The following TTLL11 variants were observed in gnomAD, a reference collection of about 807,000 sequenced individuals.
TTLL11 encodes tubulin polyglutamylase TTLL11.
Under a neutral mutation model 51.7 loss-of-function variants are expected in TTLL11, and 42 were observed. That is an observed-to-expected ratio of 0.81 (90% CI 0.64 to 1.05). The LOEUF (loss-of-function observed/expected upper bound fraction) is 1.05. TTLL11 is among the 50% of genes least tolerant of loss of function. The pLI is 0.00. For synonymous variants in TTLL11, 381 were observed against 383.5 expected, an observed-to-expected ratio of 0.99 and a Z score of 0.08; for missense variants, 799 against 940.4, an observed-to-expected ratio of 0.85 and a Z score of 1.97.
intron 8 of TTLL11, among the ~76,000 whole-genome samples, chr9:121,825,415 G>T (rs142122697): frequency 6.6e-6 from 1 of 152,174 alleles, no homozygotes; most frequent in Non-Finnish European, 1.5e-5. Flanking sequence ...AAGATAAGGC[G>T]CTTGGGCCAG....
At chr9:121,883,538 T>C (rs1011558121) in intron 6 of TTLL11, among the ~76,000 whole-genome samples, 1 of 152,220 alleles carries the variant, frequency 6.6e-6, no homozygotes, top group Non-Finnish European at 1.5e-5. Flanking sequence ...AGATTAGATT[T>C]TTTAAAGAAT....
chr9:121,960,297 A>G (rs1265319227), intron 6 of TTLL11, among the ~76,000 whole-genome samples: 1 of 152,172 alleles, frequency 6.6e-6, no homozygotes. Flanking sequence ...TCATTGACGT[A>G]TAGTACTCCA....
intron 2 of TTLL11, among the ~76,000 whole-genome samples, chr9:122,033,903 A>C (rs1844628832): frequency 6.6e-6 from 1 of 152,240 alleles, no homozygotes; most frequent in South Asian, 2.1e-4. Context: ...CCAAGAAGGG[A>C]GTCTGGAAAA....
Position 121,822,535 on chromosome 9 carries a change from C to T in TTLL11, c.*52G>A, listed in dbSNP as rs1836609588. 2.8e-6 allele frequency: 4 copies of T among 1,412,800 alleles called. No individual in the cohort carries two copies. The highest frequency in any genetic ancestry group is 3.7e-6 in the Non-Finnish European group (4 of 1,078,598). The allele number at this position is 1,412,800 out of a possible 1,614,324, so 87.5% of individuals were successfully genotyped here. On this transcript the variant is annotated 3_prime_UTR_variant, in exon 9 of 9. Coordinates refer to ENST00000321582, the MANE Select transcript of TTLL11 (RefSeq NM_001139442.2). The surrounding 1 kb of genome is among the most constrained non-coding windows in gnomAD (Gnocchi z 5.8). ...TGCAGGCAGAATGCCTGGGGCGCTC[C>T]AGCCCTGAAAGCTGCTCTCGTCTTC...
intron 4 of TTLL11, among the ~76,000 whole-genome samples, chr9:121,982,836 G>A (rs564244970): frequency 6.6e-6 from 1 of 152,246 alleles, no homozygotes; most frequent in East Asian, 1.9e-4. Flanking sequence ...TGAGCGAAAC[G>A]GAGAGTGGCG....
chr9:121,831,819 C>T (rs1030556681), intron 8 of TTLL11, among the ~76,000 whole-genome samples: 1 of 152,146 alleles, frequency 6.6e-6, no homozygotes, highest in Non-Finnish European at 1.5e-5. Context: ...CCACTGTTCA[C>T]TCTCTGCTCC....
intron 3 of TTLL11, among the ~76,000 whole-genome samples, chr9:122,024,746 C>T (rs10122625): frequency 0.044 from 6,702 of 152,228 alleles, 175 homozygotes; most frequent in African/African-American, 0.074. Flanking sequence ...TGAACTTCAA[C>T]CCATACCTTA....
At chr9:121,941,372 A>G (rs1841460486) in intron 6 of TTLL11, among the ~76,000 whole-genome samples, 1 of 152,186 alleles carries the variant, frequency 6.6e-6, no homozygotes. Context: ...TACTATTGAC[A>G]GGCTGATGGC....
chr9:121,835,443 C>T lies in TTLL11; in HGVS notation c.1841-12564G>A, dbSNP rs573503987. 2.0e-3 allele frequency among the ~76,000 whole-genome samples: 311 copies of T among 152,268 alleles called. 1 individual carries two copies. Among genetic ancestry groups the T allele is most frequent in the African/African-American group, 7.2e-3 (301 of 41,558 alleles). Reference sequence around the variant, plus strand: ...AGATGGAAATCTCAAGGAAAAAAGCCTTGCTTCTGCCACCACCCACCCCAC... The same window carrying T: ...AGATGGAAATCTCAAGGAAAAAAGCTTTGCTTCTGCCACCACCCACCCCAC... On this transcript the variant is annotated intron_variant, in intron 8 of 8. Coordinates refer to ENST00000321582, the MANE Select transcript of TTLL11 (RefSeq NM_001139442.2).
chr9:121,945,641 C>G (rs1841634833), intron 6 of TTLL11, among the ~76,000 whole-genome samples: 1 of 152,232 alleles, frequency 6.6e-6, no homozygotes, highest in African/African-American at 2.4e-5. Context: ...TCCTACACCA[C>G]CCCTTCCATC....
At chr9:121,922,862 G>C (rs1840592840) in intron 6 of TTLL11, among the ~76,000 whole-genome samples, 1 of 151,826 alleles carries the variant, frequency 6.6e-6, no homozygotes, top group African/African-American at 2.4e-5. Flanking sequence ...TAATTTCCCA[G>C]TACTATAAAA....
At chr9:121,867,794 G>C (rs1838224522) in intron 7 of TTLL11, among the ~76,000 whole-genome samples, 1 of 152,002 alleles carries the variant, frequency 6.6e-6, no homozygotes, top group African/African-American at 2.4e-5. Context: ...ACCGCCCTGT[G>C]ACTCTACGAA....
chr9:121,925,878 C>T (rs143336396), intron 6 of TTLL11, among the ~76,000 whole-genome samples: 302 of 152,332 alleles, frequency 2.0e-3, no homozygotes, highest in African/African-American at 6.7e-3. Flanking sequence ...GAGAGCCTGG[C>T]ATCCAGGCCT....
At chr9:121,882,950 T>C (rs7027962) in intron 6 of TTLL11, among the ~76,000 whole-genome samples, 150,050 of 152,274 alleles carry the variant, frequency 0.99, 73,965 homozygotes, top group Middle Eastern at 1. Context: ...ATTTTTGTTC[T>C]TCTGGCAGTA....
rs1236584028 is a variant in TTLL11, at chr9:121,989,405, G to A, written c.1059C>T (p.Asn353=). The A allele has an allele frequency of 6.2e-7, 1 of 1,614,174 alleles. No individual in the cohort carries two copies. The highest frequency in any genetic ancestry group is 2.2e-5 in the East Asian group (1 of 44,880). The change falls in exon 4 of 9, where the codon AAC becomes AAT. Residue 353 remains asparagine (N), a synonymous_variant. Transcript: ENST00000321582. This position sits in a 1 kb window ranked among gnomAD's most constrained non-coding sequence, Gnocchi z 4.2. ...TNYSLNIHSG[N]FIHSDSASTG... is the part of the protein sequence containing the mutation. Reference sequence around the variant, plus strand: ...TGCTAGCACTGTCCGAGTGGATGAAGTTGCCGCTGTGGATGTTCAGTGAAT... The same window carrying A: ...TGCTAGCACTGTCCGAGTGGATGAAATTGCCGCTGTGGATGTTCAGTGAAT...
chr9:121,829,568 T>C (rs980953380), intron 8 of TTLL11, among the ~76,000 whole-genome samples: 4 of 152,152 alleles, frequency 2.6e-5, no homozygotes, highest in African/African-American at 9.7e-5. Flanking sequence ...TTGAACACAG[T>C]GATCACAATC....
At chr9:121,899,483 G>A (rs764019317) in intron 6 of TTLL11, among the ~76,000 whole-genome samples, 2 of 150,950 alleles carry the variant, frequency 1.3e-5, no homozygotes, top group Non-Finnish European at 2.9e-5. Flanking sequence ...AGCTCACTGC[G>A]GCCTTGAATG....
intron 6 of TTLL11, among the ~76,000 whole-genome samples, chr9:121,944,407 C>T (rs574400945): frequency 6.6e-6 from 1 of 152,084 alleles, no homozygotes; most frequent in African/African-American, 2.4e-5. Flanking sequence ...ACTTGGGAAG[C>T]TGAGGCAGGA....
rs193013341 is a variant in TTLL11, at chr9:121,881,708, G to A, written c.1482-10960C>T. On this transcript the variant is annotated intron_variant, in intron 6 of 8. Transcript: ENST00000321582. ...ATGGGATTTGCACTGATGCGAATGA[G>A]GCCTTACGAGGCAGATCCCACAGAC... Among the ~76,000 whole-genome samples, 278 of 152,308 alleles carry A rather than the reference G, an allele frequency of 1.8e-3. 1 individual carries two copies. Among genetic ancestry groups the A allele is most frequent in the Admixed American group, 0.017 (263 of 15,302 alleles).
Sources: gnomAD v4.1 joint callset for allele counts (sites outside exome capture counted in the v4.1 genomes callset) on GRCh38, gnomAD v4.1.1 for gene constraint, Gnocchi (gnomAD v3.1) non-coding constraint, MANE v1.5 for transcripts, NCBI Gene and HGNC (gene_info 2026-07-23, HGNC 2026-07-21) for gene names.